CALB2: variants seen among roughly 807,000 people sequenced by gnomAD.
CALB2 encodes calbindin 2, also known as calretinin.
CALB2 carries 34 observed loss-of-function variants against 45.9 expected under a neutral mutation model. The ratio of observed to expected loss-of-function variants is 0.74; its 90% CI spans 0.56 to 0.99. The LOEUF (loss-of-function observed/expected upper bound fraction) is 0.99. Ranked by LOEUF, CALB2 falls within the 50% of genes least tolerant of loss-of-function variation. CALB2 has a pLI of 0.00. For synonymous variants in CALB2, 142 were observed against 129.6 expected, an observed-to-expected ratio of 1.10 and a Z score of -0.65; for missense variants, 344 against 339.3, an observed-to-expected ratio of 1.01 and a Z score of -0.11.
intron 4 of CALB2, among the ~76,000 whole-genome samples, chr16:71,377,996 G>A (rs1310312087): frequency 6.6e-6 from 1 of 152,254 alleles, no homozygotes; most frequent in Non-Finnish European, 1.5e-5. Flanking sequence ...GCCGAGGCAG[G>A]CGGATCACCT....
chr16:71,383,921 T>C (rs567328459), intron 6 of CALB2, 49 bp from the exon 7 acceptor site: 11 of 1,602,426 alleles, frequency 6.9e-6, no homozygotes, highest in Middle Eastern at 3.3e-4. Flanking sequence ...GGATGTCAGG[T>C]CAGAGAAATT....
intron 1 of CALB2, among the ~76,000 whole-genome samples, chr16:71,366,024 C>CTCTTT (rs1567534845): frequency 2.2e-5 from 1 of 45,066 alleles, no homozygotes; most frequent in Admixed American, 4.5e-4. Flanking sequence ...CTCTCTCTCT[C>CTCTTT]TTTTTTTTTT....
At chr16:71,369,109 A>C (rs888038896) in intron 1 of CALB2, among the ~76,000 whole-genome samples, 1 of 152,162 alleles carries the variant, frequency 6.6e-6, no homozygotes, top group African/African-American at 2.4e-5. Flanking sequence ...TGAAGAAAGC[A>C]GCCCAGGGCC....
rs559362753 is a variant in CALB2, at chr16:71,369,161, T to A, written c.95-2992T>A. The stretch of plus-strand genomic sequence containing the variant: ...GGGCGGGAAGCACAAACAGCAGCCA[T>A]AATGGCAGTGTCCGCCGGCATGTTT... On this transcript the variant is annotated intron_variant, in intron 1 of 10. Coordinates refer to ENST00000302628, the MANE Select transcript of CALB2 (RefSeq NM_001740.5). Among the ~76,000 whole-genome samples the A allele has an allele frequency of 2.0e-5, 3 of 152,264 alleles. No homozygotes were observed. The East Asian group carries it at 5.8e-4, about 29-fold the overall frequency.
chr16:71,382,601 T>A, intron 4 of CALB2, 118 bp from the exon 5 acceptor site: 1 of 923,462 alleles, frequency 1.1e-6, no homozygotes, highest in Non-Finnish European at 1.7e-6. Context: ...CATGTCTCCA[T>A]CCCATTCCGA....
chr16:71,385,417 T>A, intron 9 of CALB2, 160 bp from the exon 10 acceptor site: 1 of 531,466 alleles, frequency 1.9e-6, no homozygotes. Flanking sequence ...CCATGACTGG[T>A]TAAGGCAGAA....
chr16:71,374,837 G>C lies in CALB2; in HGVS notation c.261+3G>C. 1.3e-6 allele frequency: 2 copies of C among 1,593,624 alleles called. No individual in the cohort carries two copies. The highest frequency in any genetic ancestry group is 1.3e-5 in the African/African-American group (1 of 74,660). On this transcript the variant is annotated splice_donor_region_variant and intron_variant, in intron 3 of 10. Coordinates refer to ENST00000302628, the MANE Select transcript of CALB2 (RefSeq NM_001740.5). ...ATGGGAAAATCGAGATGGCAGAGGTGAGCCCTGCCTCGCTGGTAAAGAGCT... is the reference window on the plus strand; with the variant it reads ...ATGGGAAAATCGAGATGGCAGAGGTCAGCCCTGCCTCGCTGGTAAAGAGCT...
At chr16:71,383,632 C>G (rs908403849) in intron 6 of CALB2, among the ~76,000 whole-genome samples, 188 bp downstream of exon 6, 7 of 152,160 alleles carry the variant, frequency 4.6e-5, no homozygotes, top group African/African-American at 1.7e-4. Context: ...TGGGTGTGAG[C>G]TGACTCGTGG....
intron 2 of CALB2, among the ~76,000 whole-genome samples, chr16:71,372,963 T>C (rs1307601407): frequency 6.6e-6 from 1 of 152,300 alleles, no homozygotes; most frequent in East Asian, 1.9e-4. Context: ...GTCACGACCT[T>C]CTGAGCCTGC....
At chr16:71,365,766 C>T (rs534593385) in intron 1 of CALB2, among the ~76,000 whole-genome samples, 11 of 151,982 alleles carry the variant, frequency 7.2e-5, no homozygotes, top group Non-Finnish European at 1.5e-4. Context: ...GAGATTATTA[C>T]GGTACTTTTT....
intron 1 of CALB2, among the ~76,000 whole-genome samples, chr16:71,359,794 T>C (rs1289065205): frequency 1.3e-5 from 2 of 152,128 alleles, no homozygotes. Context: ...TCCGAAAAAA[T>C]AAGTGATCTG....
intron 4 of CALB2, among the ~76,000 whole-genome samples, chr16:71,382,026 GAGGAGGAGGAGGAGGAGT>G (rs1209423708): frequency 5.2e-4 from 67 of 127,658 alleles, no homozygotes; most frequent in Non-Finnish European, 8.3e-4. Flanking sequence ...AGAGGAGGAG[GAGGAGGAGGAGGAGGAGT>G]AGGAGGAGGA....
intron 4 of CALB2, among the ~76,000 whole-genome samples, chr16:71,382,160 A>AGGAAGGAAGGAAGG (rs1567542438): frequency 1.6e-5 from 1 of 63,494 alleles, no homozygotes; most frequent in African/African-American, 6.0e-5. Context: ...AGGAAAGAAA[A>AGGAAGGAAGGAAGG]TAAAGGAAGG....
At chr16:71,377,320 G>A (rs2042427964) in intron 3 of CALB2, among the ~76,000 whole-genome samples, 1 of 152,002 alleles carries the variant, frequency 6.6e-6, no homozygotes, top group Admixed American at 6.6e-5. Context: ...CTTACCCCAG[G>A]CAACCACCCA....
At chr16:71,389,230 G>A (rs978467023) in intron 10 of CALB2, among the ~76,000 whole-genome samples, 1 of 151,994 alleles carries the variant, frequency 6.6e-6, no homozygotes, top group East Asian at 1.9e-4. Flanking sequence ...AAATAGATGA[G>A]ACTTAGGAAA....
intron 1 of CALB2, among the ~76,000 whole-genome samples, chr16:71,364,115 C>T (rs575249539): frequency 1.2e-3 from 180 of 152,274 alleles, no homozygotes; most frequent in African/African-American, 3.9e-3. Flanking sequence ...AGCAGCTCTA[C>T]GCTGGGTACC....
intron 1 of CALB2, among the ~76,000 whole-genome samples, chr16:71,361,401 G>A (rs961404163): frequency 2.0e-5 from 3 of 152,122 alleles, no homozygotes; most frequent in Non-Finnish European, 2.9e-5. Flanking sequence ...GCCCAACACC[G>A]CAGTGCCTGA....
intron 2 of CALB2, 46 bp downstream of exon 2, chr16:71,372,275 T>C: frequency 1.4e-6 from 2 of 1,407,752 alleles, no homozygotes; most frequent in Non-Finnish European, 1.0e-6. Context: ...TCCTGACCTA[T>C]GCCTTTGAGC....
intron 10 of CALB2, among the ~76,000 whole-genome samples, chr16:71,389,248 C>A (rs926962837): frequency 6.6e-6 from 1 of 151,530 alleles, no homozygotes; most frequent in Non-Finnish European, 1.5e-5. Context: ...AAAGAGTGGT[C>A]CAGGAGGCTA....
Sources: allele counts gnomAD v4.1 joint callset (sites outside exome capture counted in the v4.1 genomes callset), GRCh38; gene constraint gnomAD v4.1.1; transcripts MANE v1.5; gene names NCBI Gene and HGNC (gene_info 2026-07-23, HGNC 2026-07-21).